The following DPP10 variants were observed in gnomAD, a reference collection of about 807,000 sequenced individuals.
DPP10 encodes the protein inactive dipeptidyl peptidase 10.
Under a neutral mutation model 120.9 loss-of-function variants are expected in DPP10, and 33 were observed. That is an observed-to-expected ratio of 0.27 (90% CI 0.21 to 0.37). DPP10 has a LOEUF of 0.37. Ranked by LOEUF, DPP10 falls within the 10% of genes least tolerant of loss-of-function variation. The probability of loss-of-function intolerance (pLI) is 1.00; values close to 1 mark genes in which losing one functional copy is unlikely to be tolerated. For missense variants in DPP10, 816 were observed against 942.8 expected, an observed-to-expected ratio of 0.87 and a Z score of 1.76; for synonymous variants, 337 against 326.1, an observed-to-expected ratio of 1.03 and a Z score of -0.36.
intron 7 of DPP10, among the ~76,000 whole-genome samples, chr2:115,713,162 T>TAA (rs2092386162): frequency 6.6e-6 from 1 of 151,640 alleles, no homozygotes; most frequent in African/African-American, 2.4e-5. Context: ...TTAAAAGAAA[T>TAA]AGGTAGCAAT....
At chr2:114,495,562 A>G (rs187567546) in intron 1 of DPP10, among the ~76,000 whole-genome samples, 211 of 152,314 alleles carry the variant, frequency 1.4e-3, no homozygotes, top group Middle Eastern at 3.4e-3. Context: ...GAATTTGAAC[A>G]TATCACAAGT....
chr2:115,585,916 C>T (rs560413355), intron 5 of DPP10, among the ~76,000 whole-genome samples: 1 of 152,202 alleles, frequency 6.6e-6, no homozygotes, highest in Non-Finnish European at 1.5e-5. Context: ...ATAAAGATAC[C>T]TTTAAGCTTT....
chr2:115,296,322 T>C (rs1482669732), intron 1 of DPP10, among the ~76,000 whole-genome samples: 1 of 152,108 alleles, frequency 6.6e-6, no homozygotes, highest in Admixed American at 6.6e-5. Context: ...GCTTTGAACT[T>C]ACCTTGAAGC....
At chr2:114,469,210 T>C (rs547625163) in intron 1 of DPP10, among the ~76,000 whole-genome samples, 1 of 152,320 alleles carries the variant, frequency 6.6e-6, no homozygotes, top group African/African-American at 2.4e-5. Context: ...TTCCATCATC[T>C]TAGGGCATCA....
rs555633641 is a variant in DPP10, at chr2:115,584,866, T to G, written c.441+58894T>G. Among the ~76,000 whole-genome samples the G allele has an allele frequency of 2.2e-4, 34 of 152,328 alleles. No homozygotes were observed. In the South Asian group the frequency reaches 6.0e-3, roughly 27 times the overall value. ...TGGTTAAATACTGGTTGCATGATCC[T>G]TCACAATCTCTGTCCTCTCATGCCT... On this transcript the variant is annotated intron_variant, in intron 5 of 25. Coordinates refer to ENST00000410059, the MANE Select transcript of DPP10 (RefSeq NM_020868.6).
At chr2:115,823,929 G>A (rs1688056163) in intron 21 of DPP10, among the ~76,000 whole-genome samples, 1 of 152,090 alleles carries the variant, frequency 6.6e-6, no homozygotes, top group Non-Finnish European at 1.5e-5. Context: ...TCTAGTTCTA[G>A]GAATTTGCAA....
intron 1 of DPP10, among the ~76,000 whole-genome samples, chr2:114,983,742 T>G (rs1370484400): frequency 6.6e-6 from 1 of 152,100 alleles, no homozygotes. Context: ...TAGAGCTCAC[T>G]ACAAGTCAAG....
chr2:114,464,566 A>C (rs1353886288), intron 1 of DPP10, among the ~76,000 whole-genome samples: 2 of 152,192 alleles, frequency 1.3e-5, no homozygotes, highest in African/African-American at 4.8e-5. Context: ...TCATTTTCTT[A>C]ACAGTGTCCT....
At chr2:115,665,976 T>C (rs953975689) in intron 5 of DPP10, among the ~76,000 whole-genome samples, 1 of 152,114 alleles carries the variant, frequency 6.6e-6, no homozygotes, top group African/African-American at 2.4e-5. Context: ...GTTTGGCATA[T>C]AGATTATTTC....
intron 5 of DPP10, among the ~76,000 whole-genome samples, chr2:115,623,519 C>A (rs943303608): frequency 6.6e-6 from 1 of 152,036 alleles, no homozygotes; most frequent in Admixed American, 6.6e-5. Context: ...TTGTGAAAGT[C>A]TTATTATATG....
intron 1 of DPP10, among the ~76,000 whole-genome samples, chr2:114,910,302 G>A (rs867961852): frequency 7.9e-5 from 12 of 151,824 alleles, no homozygotes; most frequent in Non-Finnish European, 1.5e-4. Flanking sequence ...ACATTTTAAG[G>A]AAATGTGCCA....
intron 1 of DPP10, among the ~76,000 whole-genome samples, chr2:114,783,062 AT>A (rs1233337270): frequency 5.9e-5 from 9 of 152,162 alleles, no homozygotes; most frequent in Non-Finnish European, 1.3e-4. Flanking sequence ...GAAACAAAAA[AT>A]ATCTCTGAAC....
At chr2:114,685,175 G>A (rs1240466126) in intron 1 of DPP10, among the ~76,000 whole-genome samples, 1 of 151,762 alleles carries the variant, frequency 6.6e-6, no homozygotes, top group East Asian at 1.9e-4. Context: ...TCCTAGCTGT[G>A]AAATATTATA....
At chr2:114,761,914 CT>C (rs1221029730) in intron 1 of DPP10, among the ~76,000 whole-genome samples, 2 of 152,276 alleles carry the variant, frequency 1.3e-5, no homozygotes, top group African/African-American at 4.8e-5. Context: ...TTGTTTTCCT[CT>C]CTTGGATATT....
At chr2:115,618,321 T>A (rs1270116420) in intron 5 of DPP10, among the ~76,000 whole-genome samples, 1 of 152,154 alleles carries the variant, frequency 6.6e-6, no homozygotes, top group Admixed American at 6.5e-5. Flanking sequence ...GTCAGTTGAG[T>A]GAACTATCTT....
intron 19 of DPP10, among the ~76,000 whole-genome samples, chr2:115,810,824 C>G (rs1686559043): frequency 6.6e-6 from 1 of 152,032 alleles, no homozygotes; most frequent in South Asian, 2.1e-4. Context: ...GATAAAAAAG[C>G]AAAATTGTGT....
chr2:115,647,808 G>C (rs903871586), intron 5 of DPP10, among the ~76,000 whole-genome samples: 1 of 152,012 alleles, frequency 6.6e-6, no homozygotes, highest in Non-Finnish European at 1.5e-5. Context: ...TTTTAAAAGG[G>C]CCTTAATTCC....
At chr2:115,554,089 C>T (rs2080058625) in intron 5 of DPP10, among the ~76,000 whole-genome samples, 1 of 151,170 alleles carries the variant, frequency 6.6e-6, no homozygotes, top group African/African-American at 2.4e-5. Context: ...AAAACCCTAT[C>T]TTGCTTTAAT....
chr2:115,631,716 T>TGCTTTTGAGTGA (rs1414924813), intron 5 of DPP10, among the ~76,000 whole-genome samples: 1 of 152,126 alleles, frequency 6.6e-6, no homozygotes, highest in East Asian at 1.9e-4. Flanking sequence ...TGTAGTTGTG[T>TGCTTTTGAGTGA]GCTTTTGAGT....
Sources: gnomAD v4.1 joint callset for allele counts (sites outside exome capture counted in the v4.1 genomes callset) on GRCh38, gnomAD v4.1.1 for gene constraint, MANE v1.5 for transcripts, NCBI Gene and HGNC (gene_info 2026-07-23, HGNC 2026-07-21) for gene names.